HDAC4: variants seen among roughly 807,000 people sequenced by gnomAD.
HDAC4 encodes histone deacetylase A.
Under a neutral mutation model 135.1 loss-of-function variants are expected in HDAC4, and 16 were observed. The ratio of observed to expected loss-of-function variants is 0.12; its 90% CI spans 0.08 to 0.18. HDAC4 has a LOEUF of 0.18. Ranked by LOEUF, HDAC4 falls within the 10% of genes least tolerant of loss-of-function variation. The probability of loss-of-function intolerance (pLI) is 1.00; values close to 1 mark genes in which losing one functional copy is unlikely to be tolerated. For missense variants in HDAC4, 1,143 were observed against 1,511.8 expected (o/e 0.76, Z 4.05); for synonymous variants, 685 against 653.4 (o/e 1.05, Z -0.74).
intron 12 of HDAC4, among the ~76,000 whole-genome samples, chr2:239,125,494 T>C (rs1251653555): frequency 1.3e-5 from 2 of 152,218 alleles, no homozygotes; most frequent in African/African-American, 4.8e-5. Context: ...GAGGTATTTC[T>C]CTACAGCAGT....
At chr2:239,393,910 T>C (rs1696389631) in intron 1 of HDAC4, among the ~76,000 whole-genome samples, 2 of 152,088 alleles carry the variant, frequency 1.3e-5, no homozygotes, top group African/African-American at 4.8e-5. Flanking sequence ...AATGAGTATT[T>C]GCAAAATAAT....
chr2:239,187,625 C>CGTCTT (rs2044644507), intron 4 of HDAC4, among the ~76,000 whole-genome samples: 1 of 152,198 alleles, frequency 6.6e-6, no homozygotes, highest in Non-Finnish European at 1.5e-5. Context: ...GTGAGGGAGG[C>CGTCTT]AAGACTGGCC....
intron 1 of HDAC4, among the ~76,000 whole-genome samples, chr2:239,353,637 A>ATCCC (rs1193565396): frequency 6.6e-6 from 1 of 152,196 alleles, no homozygotes. Flanking sequence ...GGATAATATC[A>ATCCC]TCCCCTGGTT....
intron 1 of HDAC4, among the ~76,000 whole-genome samples, chr2:239,382,504 A>G (rs924597719): frequency 6.6e-6 from 1 of 152,212 alleles, no homozygotes; most frequent in Non-Finnish European, 1.5e-5. Context: ...CTTTCTGATC[A>G]TGTAATGGGT....
intron 7 of HDAC4, chr2:239,155,462 G>A (rs750807877): frequency 1.3e-5 from 2 of 152,614 alleles, no homozygotes; most frequent in Non-Finnish European, 2.9e-5. Flanking sequence ...GGACATGGCC[G>A]ACCTGATATA....
chr2:239,120,404 C>CGCACACAG (rs2039555973), intron 12 of HDAC4, among the ~76,000 whole-genome samples: 4 of 107,734 alleles, frequency 3.7e-5, no homozygotes, highest in African/African-American at 8.1e-5. Flanking sequence ...CGCACACAGA[C>CGCACACAG]ACACACACAC....
Position 239,053,058 on chromosome 2 carries a change from GAGAC to G in HDAC4, c.*35_*38del, listed in dbSNP as rs768310873. The G allele has an allele frequency of 1.2e-4, 190 of 1,612,474 alleles. 2 individuals are homozygous for G. In the Admixed American group the frequency reaches 1.8e-3, roughly 15 times the overall value. On this transcript the variant is annotated 3_prime_UTR_variant, in exon 27 of 27. Transcript: ENST00000543185. ...AGTTTCTTGGCTGAGCTTCAAGACA[GAGAC>G]AGACAGACAAGAGAACAGCAGCTTC...
intron 4 of HDAC4, among the ~76,000 whole-genome samples, chr2:239,178,400 A>G (rs1482053617): frequency 6.6e-6 from 1 of 151,942 alleles, no homozygotes; most frequent in Non-Finnish European, 1.5e-5. Flanking sequence ...ACTCCCAAAT[A>G]GATGGCAGTT....
intron 12 of HDAC4, among the ~76,000 whole-genome samples, chr2:239,120,498 T>C (rs975148964): frequency 6.7e-6 from 1 of 148,856 alleles, no homozygotes; most frequent in Non-Finnish European, 1.5e-5. Flanking sequence ...CAAATACACA[T>C]AGGCACAGGC....
In HDAC4 at chr2:239,285,407, G is replaced by A. The variant is rs958497480; in HGVS notation, c.23-48743C>T. On this transcript the variant is annotated intron_variant, in intron 2 of 26. Coordinates refer to ENST00000543185, the MANE Select transcript of HDAC4 (RefSeq NM_001378414.1). This position sits in a 1 kb window ranked among gnomAD's most constrained non-coding sequence, Gnocchi z 4.5. Reference sequence around the variant, plus strand: ...GCACTTCCTGGGTAAGGAAGGAGAAGCCTTACAGCAAGGGGTTCCACCGAG... The same window carrying A: ...GCACTTCCTGGGTAAGGAAGGAGAAACCTTACAGCAAGGGGTTCCACCGAG... Among the ~76,000 whole-genome samples the A allele has an allele frequency of 1.2e-4, 18 of 152,210 alleles. No homozygotes were observed. The highest frequency in any genetic ancestry group is 3.1e-4 in the African/African-American group (13 of 41,454).
intron 11 of HDAC4, among the ~76,000 whole-genome samples, chr2:239,132,726 C>T (rs938911432): frequency 5.9e-5 from 9 of 152,362 alleles, no homozygotes; most frequent in African/African-American, 2.2e-4. Context: ...ACCTGATACA[C>T]AAGATTACGC....
chr2:239,291,896 C>A lies in HDAC4; in HGVS notation c.23-55232G>T, dbSNP rs1400718417. Among the ~76,000 whole-genome samples the A allele has an allele frequency of 3.3e-5, 5 of 152,352 alleles. No individual in the cohort carries two copies. The East Asian group carries it at 9.7e-4, about 29-fold the overall frequency. On this transcript the variant is annotated intron_variant, in intron 2 of 26. Transcript: ENST00000543185. The stretch of plus-strand genomic sequence containing the variant: ...GATTACATTTGCATGAAAATAGAAC[C>A]TTTGTTTGCAAGAGTTCCCGCTCCA...
intron 2 of HDAC4, among the ~76,000 whole-genome samples, chr2:239,263,573 G>C (rs1210003404): frequency 2.4e-4 from 37 of 152,154 alleles, no homozygotes; most frequent in Non-Finnish European, 2.9e-5. Context: ...CAAGGACAGG[G>C]GCAAGGGCAG....
Position 239,269,212 on chromosome 2 carries a change from CACATTCACACACCCACAT to C in HDAC4, c.23-32566_23-32549del, listed in dbSNP as rs1388239229. On this transcript the variant is annotated intron_variant, in intron 2 of 26. Coordinates refer to ENST00000543185, the MANE Select transcript of HDAC4 (RefSeq NM_001378414.1). ...ACCCACACACATTCACACACCCACA[CACATTCACACACCCACAT>C]ACATTCACACATCTACACACATTCA... Among the ~76,000 whole-genome samples the C allele has an allele frequency of 1.9e-4, 28 of 151,188 alleles. No homozygotes were observed. In the East Asian group the frequency reaches 3.1e-3, roughly 17 times the overall value.
At chr2:239,172,293 A>AAT (rs1252131295) in intron 5 of HDAC4, among the ~76,000 whole-genome samples, 2 of 115,054 alleles carry the variant, frequency 1.7e-5, no homozygotes, top group Non-Finnish European at 3.8e-5. Flanking sequence ...GGTGAAAAAA[A>AAT]ATATATATAT....
chr2:239,379,893 C>G (rs1195059173), intron 1 of HDAC4, among the ~76,000 whole-genome samples: 3 of 152,200 alleles, frequency 2.0e-5, no homozygotes, highest in Non-Finnish European at 2.9e-5. Context: ...CAGACACTGA[C>G]AGTGGGATAG....
intron 20 of HDAC4, among the ~76,000 whole-genome samples, chr2:239,082,969 C>G (rs2035498384): frequency 6.6e-6 from 1 of 152,240 alleles, no homozygotes; most frequent in Admixed American, 6.5e-5. Flanking sequence ...ATGTTCCCAG[C>G]ACGAGAACTT....
chr2:239,365,730 G>C (rs570277362), intron 1 of HDAC4, among the ~76,000 whole-genome samples: 5 of 152,202 alleles, frequency 3.3e-5, no homozygotes, highest in African/African-American at 1.2e-4. Context: ...GCACAGACCA[G>C]GGTCGTCAGG....
chr2:239,369,615 T>G (rs1217297529), intron 1 of HDAC4, among the ~76,000 whole-genome samples: 1 of 152,148 alleles, frequency 6.6e-6, no homozygotes, highest in East Asian at 1.9e-4. Context: ...AAGAGACGGG[T>G]CAAGCCCTGC....
Sources: allele counts gnomAD v4.1 joint callset (sites outside exome capture counted in the v4.1 genomes callset), GRCh38; gene constraint gnomAD v4.1.1; non-coding constraint Gnocchi (gnomAD v3.1); transcripts MANE v1.5; gene names NCBI Gene and HGNC (gene_info 2026-07-23, HGNC 2026-07-21).